The following RASEF variants were observed in gnomAD, a reference collection of about 807,000 sequenced individuals.
RASEF encodes RAS and EF-hand domain containing, also known as ras and EF-hand domain-containing protein.
In RASEF, 68 loss-of-function variants were observed where a neutral mutation model predicts 90.1. The observed-to-expected ratio is 0.75, with a 90% CI of 0.62 to 0.92. The LOEUF (loss-of-function observed/expected upper bound fraction) is 0.92, where lower values mean the gene tolerates loss of function less well. Among genes scored for constraint, RASEF ranks in the 40% least tolerant of loss-of-function variants. RASEF has a pLI of 0.00. For synonymous variants in RASEF, 331 were observed against 345.2 expected, an observed-to-expected ratio of 0.96 and a Z score of 0.46; for missense variants, 949 against 937.2, an observed-to-expected ratio of 1.01 and a Z score of -0.16.
intron 1 of RASEF, among the ~76,000 whole-genome samples, chr9:83,062,099 G>C (rs990417565): frequency 6.6e-6 from 1 of 152,242 alleles, no homozygotes; most frequent in Non-Finnish European, 1.5e-5. Context: ...GGTAGAAGGT[G>C]ACGTAACCAG....
At chr9:82,999,873 G>A (rs575038460) in intron 12 of RASEF, among the ~76,000 whole-genome samples, 1 of 151,886 alleles carries the variant, frequency 6.6e-6, no homozygotes, top group East Asian at 1.9e-4. Flanking sequence ...CAAAGTGCTG[G>A]GATTACAGGC....
the RASEF span, among the ~76,000 whole-genome samples, chr9:83,181,554 A>G: frequency 6.6e-6 from 1 of 152,212 alleles, no homozygotes; most frequent in African/African-American, 2.4e-5. Context: ...TAGGAAATCA[A>G]GAAACAGATT....
the RASEF span, among the ~76,000 whole-genome samples, chr9:83,164,316 C>T: frequency 1.6e-4 from 21 of 132,790 alleles, no homozygotes; most frequent in East Asian, 2.0e-3. Context: ...ATAGCGACAA[C>T]GTATTCAAAT....
chr9:83,154,468 A>G, the RASEF span, among the ~76,000 whole-genome samples: 1 of 152,196 alleles, frequency 6.6e-6, no homozygotes, highest in Non-Finnish European at 1.5e-5. Flanking sequence ...TCTGAATACT[A>G]GATTTCTCTC....
At chr9:83,060,760 T>A (rs1830188572) in intron 1 of RASEF, among the ~76,000 whole-genome samples, 1 of 152,166 alleles carries the variant, frequency 6.6e-6, no homozygotes, top group African/African-American at 2.4e-5. Flanking sequence ...CACTTGAACA[T>A]GAGAGGAAGA....
At chr9:83,123,965 C>G in the RASEF span, among the ~76,000 whole-genome samples, 5 of 149,720 alleles carry the variant, frequency 3.3e-5, no homozygotes, top group Non-Finnish European at 7.5e-5. Context: ...CTAACTCTCC[C>G]TTAGCCTTGG....
chr9:83,176,143 C>T, the RASEF span, among the ~76,000 whole-genome samples: 30 of 152,302 alleles, frequency 2.0e-4, no homozygotes, highest in Admixed American at 2.0e-3. Context: ...TTACTTCTCA[C>T]TTCAGATCTG....
At chr9:83,043,398 G>C (rs1446750868) in intron 1 of RASEF, among the ~76,000 whole-genome samples, 1 of 82,490 alleles carries the variant, frequency 1.2e-5, no homozygotes, top group Admixed American at 1.1e-4. Context: ...TGCAGTGATT[G>C]GGGGGGGGGA....
chr9:83,005,049 G>A (rs1048773942), intron 8 of RASEF, among the ~76,000 whole-genome samples: 6 of 152,124 alleles, frequency 3.9e-5, no homozygotes, highest in African/African-American at 1.4e-4. Flanking sequence ...AGTTCCAAAT[G>A]AGCTAAGCTG....
chr9:83,185,366 T>TA, the RASEF span, among the ~76,000 whole-genome samples: 5 of 149,990 alleles, frequency 3.3e-5, no homozygotes, highest in African/African-American at 9.8e-5. Flanking sequence ...TTTTTTTTTT[T>TA]AATTTTTTTG....
At chr9:83,150,025 T>C in the RASEF span, among the ~76,000 whole-genome samples, 1 of 152,238 alleles carries the variant, frequency 6.6e-6, no homozygotes, top group Non-Finnish European at 1.5e-5. Flanking sequence ...CCCACACTTC[T>C]GTCCAACTTG....
chr9:83,027,627 C>T (rs1165385643), intron 1 of RASEF, among the ~76,000 whole-genome samples: 1 of 152,048 alleles, frequency 6.6e-6, no homozygotes, highest in East Asian at 1.9e-4. Flanking sequence ...AGAGGTATTT[C>T]AAAAGAAAAA....
the RASEF span, among the ~76,000 whole-genome samples, chr9:83,155,008 C>T: frequency 2.0e-5 from 3 of 152,178 alleles, no homozygotes; most frequent in Non-Finnish European, 2.9e-5. Flanking sequence ...CAGAGCTAAC[C>T]TTCTTCCCAC....
the RASEF span, among the ~76,000 whole-genome samples, chr9:83,087,433 CTCTCTCTG>C: frequency 2.6e-5 from 4 of 151,760 alleles, no homozygotes; most frequent in African/African-American, 9.7e-5. Flanking sequence ...CTCTCTCTCT[CTCTCTCTG>C]TCTCTCCCCT....
chr9:83,217,410 T>C, the RASEF span, among the ~76,000 whole-genome samples: 2 of 152,250 alleles, frequency 1.3e-5, no homozygotes, highest in South Asian at 4.1e-4. Context: ...CAGAATGATA[T>C]GGTTTGGCTT....
chr9:83,000,429 C>G lies in RASEF; in HGVS notation c.1575+4G>C, dbSNP rs374305065. On this transcript the variant is annotated splice_donor_region_variant and intron_variant, in intron 11 of 16. Coordinates refer to ENST00000376447, the MANE Select transcript of RASEF (RefSeq NM_152573.4). Reference sequence around the variant, plus strand: ...TGAATAGGAGTGTCTCGGAGACCACCTACCTGGGGCGAGAGTGCTGAGATG... The same window carrying G: ...TGAATAGGAGTGTCTCGGAGACCACGTACCTGGGGCGAGAGTGCTGAGATG... The G allele has an allele frequency of 6.2e-7, 1 of 1,613,560 alleles. No homozygotes were observed. The highest frequency in any genetic ancestry group is 8.5e-7 in the Non-Finnish European group (1 of 1,179,894).
chr9:83,062,390 A>G, intron 1 of RASEF, 47 bp downstream of exon 1: 6 of 1,591,878 alleles, frequency 3.8e-6, no homozygotes, highest in Non-Finnish European at 5.2e-6. Flanking sequence ...GGAAGAAGCA[A>G]GCAGGAAGCG....
At chr9:83,044,924 C>T (rs775986632) in intron 1 of RASEF, among the ~76,000 whole-genome samples, 1 of 152,158 alleles carries the variant, frequency 6.6e-6, no homozygotes. Context: ...AGAACAAAGA[C>T]TGATCTCCCA....
At chr9:83,098,438 C>T in the RASEF span, among the ~76,000 whole-genome samples, 1 of 152,072 alleles carries the variant, frequency 6.6e-6, no homozygotes, top group African/African-American at 2.4e-5. Context: ...AGTTTAACTA[C>T]TGTTTACTAT....
Sources: gnomAD v4.1 joint callset for allele counts (sites outside exome capture counted in the v4.1 genomes callset) on GRCh38, gnomAD v4.1.1 for gene constraint, MANE v1.5 for transcripts, NCBI Gene and HGNC (gene_info 2026-07-23, HGNC 2026-07-21) for gene names.